Variants in MEGF10 observed in about 807,000 individuals in gnomAD.
MEGF10 encodes the protein multiple EGF like domains 10, also known as multiple epidermal growth factor-like domains protein 10.
In MEGF10, 86 loss-of-function variants were observed where a neutral mutation model predicts 147.5. The ratio of observed to expected loss-of-function variants is 0.58; its 90% CI spans 0.49 to 0.70. MEGF10 has a LOEUF of 0.70. MEGF10 is among the 30% of genes least tolerant of loss of function. The pLI is 0.00. For synonymous variants in MEGF10, 478 were observed against 525.5 expected (o/e 0.91, Z 1.24); for missense variants, 1,329 against 1,487.3 (o/e 0.89, Z 1.75).
At chr5:127,341,871 C>T (rs546442226) in intron 4 of MEGF10, among the ~76,000 whole-genome samples, 47 of 152,156 alleles carry the variant, frequency 3.1e-4, no homozygotes, top group African/African-American at 1.1e-3. Flanking sequence ...TTTTACCTAT[C>T]GTAAACTACT....
At chr5:127,425,351 T>G (rs1765174806) in intron 13 of MEGF10, among the ~76,000 whole-genome samples, 1 of 152,190 alleles carries the variant, frequency 6.6e-6, no homozygotes, top group Admixed American at 6.5e-5. Flanking sequence ...GACTACTGCT[T>G]CATGCTGCTC....
At chr5:127,292,336 G>A (rs1055776864) in intron 1 of MEGF10, among the ~76,000 whole-genome samples, 3 of 152,148 alleles carry the variant, frequency 2.0e-5, no homozygotes, top group Admixed American at 1.3e-4. Flanking sequence ...ACTTACATCA[G>A]ACAATTGTTA....
intron 1 of MEGF10, among the ~76,000 whole-genome samples, chr5:127,300,794 C>T (rs1344681711): frequency 6.6e-6 from 1 of 152,188 alleles, no homozygotes. Context: ...AGCTGTGTGT[C>T]AGAATGCAAT....
intron 17 of MEGF10, 95 bp from the exon 18 acceptor site, chr5:127,440,644 A>T: frequency 7.5e-7 from 1 of 1,333,962 alleles, no homozygotes; most frequent in Non-Finnish European, 1.0e-6. Context: ...GCTCAGTGTC[A>T]TTCAAGTTTA....
intron 22 of MEGF10, among the ~76,000 whole-genome samples, chr5:127,452,744 C>T (rs968987387): frequency 3.3e-5 from 5 of 152,208 alleles, no homozygotes; most frequent in Non-Finnish European, 7.3e-5. Flanking sequence ...CAAAAGCACT[C>T]CTATTGGGCA....
At chr5:127,316,423 G>T (rs527908889) in intron 1 of MEGF10, among the ~76,000 whole-genome samples, 1 of 152,142 alleles carries the variant, frequency 6.6e-6, no homozygotes, top group African/African-American at 2.4e-5. Flanking sequence ...CATTGAAAGT[G>T]CCCATACGTT....
intron 7 of MEGF10, 30 bp downstream of exon 7, chr5:127,398,826 T>G (rs1369373249): frequency 4.3e-6 from 7 of 1,612,724 alleles, no homozygotes; most frequent in Non-Finnish European, 5.9e-6. Context: ...CCTCTGCCCC[T>G]GCCCCAAAGT....
intron 1 of MEGF10, among the ~76,000 whole-genome samples, chr5:127,312,029 C>T (rs1449901609): frequency 6.6e-6 from 1 of 152,148 alleles, no homozygotes; most frequent in Non-Finnish European, 1.5e-5. Context: ...ATCACAACTC[C>T]TAATTTTAAT....
intron 5 of MEGF10, among the ~76,000 whole-genome samples, chr5:127,378,733 A>G (rs1429941226): frequency 6.6e-6 from 1 of 152,220 alleles, no homozygotes; most frequent in Non-Finnish European, 1.5e-5. Flanking sequence ...AATTACAGGC[A>G]TGGGCCACCG....
At chr5:127,428,069 C>T (rs1310727214) in intron 13 of MEGF10, among the ~76,000 whole-genome samples, 1 of 151,698 alleles carries the variant, frequency 6.6e-6, no homozygotes, top group Non-Finnish European at 1.5e-5. Flanking sequence ...ACCAAAGCTC[C>T]AAGATCTGCC....
At chr5:127,338,976 C>A (rs1761572261) in intron 2 of MEGF10, 144 bp from the exon 3 acceptor site, 2 of 430,722 alleles carry the variant, frequency 4.6e-6, no homozygotes, top group East Asian at 3.6e-5. Context: ...AAATAAAAAC[C>A]CATAAAAACA....
chr5:127,290,653 T>C (rs908235677), upstream of MEGF10, among the ~76,000 whole-genome samples: 5 of 152,204 alleles, frequency 3.3e-5, no homozygotes, highest in Non-Finnish European at 7.3e-5. Context: ...ATCCTGCATG[T>C]TGCGCTAGGG....
At chr5:127,436,036 G>T (rs867170806) in intron 16 of MEGF10, among the ~76,000 whole-genome samples, 5 of 152,290 alleles carry the variant, frequency 3.3e-5, no homozygotes, top group Middle Eastern at 3.4e-3. Flanking sequence ...TGAAAAAAAT[G>T]ACATCGACTA....
chr5:127,340,393 A>T, intron 3 of MEGF10, 137 bp from the exon 4 acceptor site: 1 of 565,148 alleles, frequency 1.8e-6, no homozygotes, highest in Non-Finnish European at 3.1e-6. Flanking sequence ...AGGGAATCTT[A>T]ATATCTTCTT....
At chr5:127,318,393 C>G (rs1014736041) in intron 1 of MEGF10, among the ~76,000 whole-genome samples, 5 of 152,036 alleles carry the variant, frequency 3.3e-5, no homozygotes, top group Non-Finnish European at 7.4e-5. Context: ...AATATCCAAC[C>G]AAAAAAGTGG....
At chr5:127,422,225 A>G (rs1043398019) in intron 12 of MEGF10, among the ~76,000 whole-genome samples, 1 of 152,154 alleles carries the variant, frequency 6.6e-6, no homozygotes, top group Non-Finnish European at 1.5e-5. Context: ...GAGGTGATTA[A>G]GATGCATCCC....
the MEGF10 span, among the ~76,000 whole-genome samples, chr5:127,258,418 A>C: frequency 6.6e-6 from 1 of 152,242 alleles, no homozygotes; most frequent in Non-Finnish European, 1.5e-5. Context: ...TTCATGTTCC[A>C]AGTTAGAGCA....
intron 10 of MEGF10, among the ~76,000 whole-genome samples, 173 bp downstream of exon 10, chr5:127,417,985 C>G (rs1488027229): frequency 6.6e-6 from 1 of 152,102 alleles, no homozygotes; most frequent in African/African-American, 2.4e-5. Flanking sequence ...AAGGAATTAC[C>G]TTAGAATAAT....
chr5:127,290,603 G>A (rs1759201068), upstream of MEGF10, among the ~76,000 whole-genome samples: 1 of 152,144 alleles, frequency 6.6e-6, no homozygotes, highest in Non-Finnish European at 1.5e-5. Context: ...GCTCAGGCAG[G>A]GGCGACTCAC....
Sources: gnomAD v4.1 joint callset for allele counts (sites outside exome capture counted in the v4.1 genomes callset) on GRCh38, gnomAD v4.1.1 for gene constraint, MANE v1.5 for transcripts, NCBI Gene and HGNC (gene_info 2026-07-23, HGNC 2026-07-21) for gene names.